Variants in SATB1 observed in about 807,000 individuals in gnomAD.
The protein encoded by SATB1 is DNA-binding protein SATB1.
In SATB1, 11 loss-of-function variants were observed where a neutral mutation model predicts 86.9. The observed-to-expected ratio is 0.13, with a 90% CI of 0.08 to 0.21. The LOEUF (loss-of-function observed/expected upper bound fraction) is 0.21, where lower values mean the gene tolerates loss of function less well. Ranked by LOEUF, SATB1 falls within the 10% of genes least tolerant of loss-of-function variation. The probability of loss-of-function intolerance (pLI) is 1.00; values close to 1 mark genes in which losing one functional copy is unlikely to be tolerated. For synonymous variants in SATB1, 357 were observed against 357.2 expected (o/e 1.00, Z 0.01); for missense variants, 551 against 937.6 (o/e 0.59, Z 5.39).
At chr3:18,425,949 C>T (rs1169407016), upstream of SATB1, among the ~76,000 whole-genome samples, 1 of 151,984 alleles carries the variant, frequency 6.6e-6, no homozygotes, top group Non-Finnish European at 1.5e-5. Flanking sequence ...AAAAGGAGTA[C>T]GCCTGGAGCG....
rs552833188 is a variant in SATB1 at position 18,389,659 on chromosome 3, T to C, written c.1207-3048A>G. ...AAAAAATAGTATGAAAAGGCCATCA[T>C]GTACCTTATTTATGTCATAGAATAT... is the stretch of plus-strand genomic sequence containing the variant. On this transcript the variant is annotated intron_variant, in intron 7 of 10. Coordinates refer to ENST00000338745, the MANE Select transcript of SATB1 (RefSeq NM_002971.6). 3.3e-4 allele frequency among the ~76,000 whole-genome samples: 51 copies of C among 152,250 alleles called. No homozygotes were observed. In the South Asian group the frequency reaches 8.5e-3, roughly 25 times the overall value.
chr3:18,371,304 A>G lies in SATB1; in HGVS notation c.1575+6866T>C, dbSNP rs114347253. ...TTTGACAATTGTATGCTGATTTCATAAATGGTTTACAACTTCTATTTTTAC... is the reference window on the plus strand; with the variant it reads ...TTTGACAATTGTATGCTGATTTCATGAATGGTTTACAACTTCTATTTTTAC... On this transcript the variant is annotated intron_variant, in intron 9 of 10. Transcript: ENST00000338745. 6.7e-3 allele frequency among the ~76,000 whole-genome samples: 1,023 copies of G among 152,344 alleles called. 8 individuals carry two copies. The highest frequency in any genetic ancestry group is 0.012 in the Non-Finnish European group (784 of 68,034).
intron 9 of SATB1, among the ~76,000 whole-genome samples, chr3:18,375,045 G>T (rs1291474206): frequency 6.6e-6 from 1 of 152,142 alleles, no homozygotes; most frequent in Admixed American, 6.6e-5. Context: ...CATTAGGTAT[G>T]ATAGAGCCTG....
chr3:18,438,338 A>G (rs1699136799), intron 1 of SATB1, among the ~76,000 whole-genome samples: 2 of 152,192 alleles, frequency 1.3e-5, no homozygotes, highest in African/African-American at 4.8e-5. Context: ...AAATATTTCA[A>G]GAAGGTCTAA....
intron 8 of SATB1, among the ~76,000 whole-genome samples, chr3:18,384,476 A>AG (rs1696224170): frequency 7.3e-6 from 1 of 136,796 alleles, no homozygotes; most frequent in East Asian, 2.2e-4. Context: ...TTTTTTTTAA[A>AG]GCAGTTCAAT....
At position 18,381,300 on chromosome 3, in the gene SATB1, T is replaced by C. The variant is rs150130129; in HGVS notation, c.1420-2975A>G. Among the ~76,000 whole-genome samples, 708 of 152,354 alleles carry C rather than the reference T, an allele frequency of 4.6e-3. 6 individuals carry two copies. Among genetic ancestry groups the C allele is most frequent in the African/African-American group, 0.015 (633 of 41,582 alleles). On this transcript the variant is annotated intron_variant, in intron 8 of 10. Transcript: ENST00000338745. ...TTGATTGGTGAACATCCTACTCTGA[T>C]GCATGAAGAATTGCCTGCAAGCACA...
intron 7 of SATB1, among the ~76,000 whole-genome samples, chr3:18,391,296 G>C (rs1007655469): frequency 1.3e-5 from 2 of 152,024 alleles, no homozygotes; most frequent in African/African-American, 4.8e-5. Context: ...ATCATATTAA[G>C]GTCTTAATGC....
intron 9 of SATB1, among the ~76,000 whole-genome samples, chr3:18,357,361 A>C (rs1413769860): frequency 6.6e-6 from 1 of 151,938 alleles, no homozygotes; most frequent in Non-Finnish European, 1.5e-5. Flanking sequence ...CAAAAAATTC[A>C]GTATTGTAGA....
At chr3:18,410,031 T>C (rs1435694441) in intron 5 of SATB1, among the ~76,000 whole-genome samples, 1 of 152,022 alleles carries the variant, frequency 6.6e-6, no homozygotes, top group Non-Finnish European at 1.5e-5. Flanking sequence ...GAGAAGTAAC[T>C]GCACAGAACT....
intron 1 of SATB1, chr3:18,445,443 G>GT (rs1436895141): frequency 2.0e-6 from 2 of 985,272 alleles, no homozygotes; most frequent in African/African-American, 3.5e-5. Flanking sequence ...GCCTCGAGGG[G>GT]TAAGTGTGGG....
intron 9 of SATB1, among the ~76,000 whole-genome samples, chr3:18,376,543 G>A (rs550323462): frequency 7.1e-6 from 1 of 140,584 alleles, no homozygotes; most frequent in South Asian, 2.6e-4. Context: ...TTAGGCTAAA[G>A]AGCCAAAACA....
intron 9 of SATB1, among the ~76,000 whole-genome samples, chr3:18,371,972 C>T (rs140521852): frequency 1.3e-5 from 2 of 152,262 alleles, no homozygotes; most frequent in Non-Finnish European, 2.9e-5. Flanking sequence ...CCGAACCTGT[C>T]CTGAAGAACT....
rs367640095 is a variant in SATB1, at chr3:18,348,984, T to A, written c.*186A>T. On this transcript the variant is annotated 3_prime_UTR_variant, in exon 11 of 11. Transcript: ENST00000338745. ...TCACCTGGGGCTGCCAAGCAGTTTG[T>A]AAAACAGAGGAAAACATTTAGTGCA... The A allele has an allele frequency of 2.9e-6, 3 of 1,028,804 alleles. No homozygotes were observed. The allele number at this position is 1,028,804 out of a possible 1,614,324, so 63.7% of individuals were successfully genotyped here. A position where few individuals can be genotyped will look rare whatever the true frequency, so the allele number is the denominator to read the frequency against.
chr3:18,431,501 A>G (rs1358573259), intron 2 of SATB1, among the ~76,000 whole-genome samples: 1 of 152,226 alleles, frequency 6.6e-6, no homozygotes, highest in African/African-American at 2.4e-5. Flanking sequence ...TACTGAGATC[A>G]CAATCCAGAT....
upstream of SATB1, among the ~76,000 whole-genome samples, chr3:18,439,471 A>G (rs139247202): frequency 1.5e-3 from 235 of 152,372 alleles, 5 homozygotes; most frequent in East Asian, 0.035. Context: ...TACCATTGGC[A>G]TAAGTTCAAA....
chr3:18,369,408 T>C (rs1278570554), intron 9 of SATB1, among the ~76,000 whole-genome samples: 2 of 151,920 alleles, frequency 1.3e-5, no homozygotes, highest in Non-Finnish European at 2.9e-5. Flanking sequence ...AGTATAAAAA[T>C]GGAATTTGAT....
chr3:18,389,323 G>A (rs1696513037), intron 7 of SATB1, among the ~76,000 whole-genome samples: 1 of 142,784 alleles, frequency 7.0e-6, no homozygotes. Context: ...TGGTGGAAAT[G>A]CTTGAAAATA....
At chr3:18,440,141 AG>A (rs983345968), upstream of SATB1, among the ~76,000 whole-genome samples, 2 of 152,228 alleles carry the variant, frequency 1.3e-5, no homozygotes, top group African/African-American at 4.8e-5. Flanking sequence ...GGAACTTTGT[AG>A]AAAGTTAATT....
Position 18,415,601 on chromosome 3 carries a change from TAAA to T in SATB1, c.516-370_516-368del, listed in dbSNP as rs1575162975. ...ATATGAATTAAAAATCATAAAAAAA[TAAA>T]TAAATAAATAAGACTGTGGTAATAG... On this transcript the variant is annotated intron_variant, in intron 4 of 10. Transcript: ENST00000338745. Among the ~76,000 whole-genome samples the T allele has an allele frequency of 5.9e-5, 9 of 151,974 alleles. No individual in the cohort carries two copies. The East Asian group carries it at 1.7e-3, about 29-fold the overall frequency.
Sources: gnomAD v4.1 joint callset for allele counts (sites outside exome capture counted in the v4.1 genomes callset) on GRCh38, gnomAD v4.1.1 for gene constraint, MANE v1.5 for transcripts, NCBI Gene and HGNC (gene_info 2026-07-23, HGNC 2026-07-21) for gene names.